TSPAN4: variants seen among roughly 807,000 people sequenced by gnomAD.
TSPAN4 encodes the protein tetraspanin 4, also known as tetraspanin-4.
In TSPAN4, 38 loss-of-function variants were observed where a neutral mutation model predicts 31.5. The observed-to-expected ratio is 1.21, with a 90% CI of 0.93 to 1.58. The LOEUF (loss-of-function observed/expected upper bound fraction) is 1.58, where lower values mean the gene tolerates loss of function less well. TSPAN4 is among the 40% of genes most tolerant of loss of function. TSPAN4 has a pLI of 0.00. For synonymous variants in TSPAN4, 186 were observed against 144.6 expected (o/e 1.29, Z -2.06); for missense variants, 330 against 317.3 (o/e 1.04, Z -0.30).
At chr11:853,483 G>A (rs941701704) in intron 3 of TSPAN4, among the ~76,000 whole-genome samples, 8 of 151,396 alleles carry the variant, frequency 5.3e-5, no homozygotes, top group Non-Finnish European at 1.0e-4. Context: ...GCTGATTGAC[G>A]TATTTCTTTA....
At position 866,596 on chromosome 11, in the gene TSPAN4, G is replaced by A; in HGVS notation, c.683G>A (p.Cys228Tyr). Residue 228 changes from cysteine (C) to tyrosine (Y), a missense_variant, in exon 9 of 9, where the codon TGC becomes TAC. Coordinates refer to ENST00000397397, the MANE Select transcript of TSPAN4 (RefSeq NM_003271.5). ...LGLTFAMTMY[C>Y]QVVKADTYCA is the part of the protein sequence containing the mutation. ...CTGACCTTCGCCATGACCATGTACTGCCAAGTGGTCAAGGCAGACACCTAC... is the reference window on the plus strand; with the variant it reads ...CTGACCTTCGCCATGACCATGTACTACCAAGTGGTCAAGGCAGACACCTAC... 1 of 1,613,420 alleles carries A rather than the reference G, an allele frequency of 6.2e-7. No homozygotes were observed. The highest frequency in any genetic ancestry group is 8.5e-7 in the Non-Finnish European group (1 of 1,179,816).
At chr11:843,036 G>A (rs1847056324) in intron 1 of TSPAN4, 121 bp downstream of exon 1, 1 of 150,692 alleles carries the variant, frequency 6.6e-6, no homozygotes. Flanking sequence ...GAGCCGACAC[G>A]CAGCAACAAG....
chr11:864,439 C>G lies in TSPAN4; in HGVS notation c.258C>G (p.Phe86Leu). Residue 86 changes from phenylalanine to leucine, a missense_variant and splice_region_variant, in exon 5 of 9, where the codon TTC becomes TTG. Phe to Leu is a conservative substitution (Grantham distance 22). Transcript: ENST00000397397. Reference sequence around the variant, plus strand: ...GTCTGAGCCTGCCCCCTCCACAGTTCTTCCTGCTGCTGCTGCTGGTGTTCC... The same window carrying G: ...GTCTGAGCCTGCCCCCTCCACAGTTGTTCCTGCTGCTGCTGCTGGTGTTCC... ...IKENKCLLLT[F>L]FLLLLLVFLL... 6.2e-7 allele frequency: 1 copy of G among 1,612,478 alleles called. No homozygotes were observed. Among genetic ancestry groups the G allele is most frequent in the Non-Finnish European group, 8.5e-7 (1 of 1,179,922 alleles).
rs543498797 is a variant in TSPAN4 at position 863,059 on chromosome 11, G to A, written c.255+318G>A. 23 of 244,346 alleles carry A rather than the reference G, an allele frequency of 9.4e-5. No homozygotes were observed. In the South Asian group the frequency reaches 2.2e-3, roughly 23 times the overall value. The allele number at this position is 244,346 out of a possible 1,614,324, so 15.1% of individuals were successfully genotyped here. A position where few individuals can be genotyped will look rare whatever the true frequency, so the allele number is the denominator to read the frequency against. On this transcript the variant is annotated intron_variant, in intron 4 of 8. Transcript: ENST00000397397. Reference sequence around the variant, plus strand: ...CCCGCACACACGTACACACGCATGCGCAGCCTTTCACGGGCTTGCGGTCTC... The same window carrying A: ...CCCGCACACACGTACACACGCATGCACAGCCTTTCACGGGCTTGCGGTCTC...
At chr11:862,146 C>T (rs765660815) in intron 3 of TSPAN4, among the ~76,000 whole-genome samples, 17 of 152,226 alleles carry the variant, frequency 1.1e-4, no homozygotes, top group Non-Finnish European at 2.4e-4. Flanking sequence ...AGTGGCCTGT[C>T]AGGTGGGGAG....
In TSPAN4 at chr11:848,984, T is replaced by A; in HGVS notation, c.-17-1304T>A. 1 of 642,692 alleles carries A rather than the reference T, an allele frequency of 1.6e-6. No individual in the cohort carries two copies. The highest frequency in any genetic ancestry group is 2.9e-6 in the Non-Finnish European group (1 of 349,716). 39.8% of individuals were successfully genotyped at this position (642,692 alleles called of 1,614,324 possible). A position where few individuals can be genotyped will look rare whatever the true frequency, so the allele number is the denominator to read the frequency against. On this transcript the variant is annotated intron_variant, in intron 2 of 8. Transcript: ENST00000397397. This position sits in a 1 kb window ranked among gnomAD's most constrained non-coding sequence, Gnocchi z 5.7. The stretch of plus-strand genomic sequence containing the variant: ...GGGTGGGGTCTTTTACAGGCTGACT[T>A]CCAGCCTGGGCTGGAGCAAAATGAA...
chr11:843,422 C>T (rs953684181), intron 1 of TSPAN4: 1 of 152,174 alleles, frequency 6.6e-6, no homozygotes, highest in African/African-American at 2.4e-5. Context: ...AGAGGGGACC[C>T]GGGAGGGAGG....
chr11:847,439 G>A (rs1028359923), intron 2 of TSPAN4, 139 bp downstream of exon 2: 2 of 152,122 alleles, frequency 1.3e-5, no homozygotes, highest in African/African-American at 4.8e-5. Context: ...AGCTCCCGTG[G>A]GGAGGGGCTG....
chr11:866,502 C>G (rs891455697), intron 8 of TSPAN4, 60 bp from the exon 9 acceptor site: 3 of 1,555,260 alleles, frequency 1.9e-6, no homozygotes, highest in Non-Finnish European at 2.6e-6. Context: ...AGGGACTGCT[C>G]TGGGCTTGAG....
chr11:855,795 C>T (rs1314000663), intron 3 of TSPAN4, among the ~76,000 whole-genome samples: 1 of 152,220 alleles, frequency 6.6e-6, no homozygotes, highest in African/African-American at 2.4e-5. Context: ...TTCCCGCCAG[C>T]CCAGAGGGTC....
At position 855,302 on chromosome 11, in the gene TSPAN4, G is replaced by C. The variant is rs552862371; in HGVS notation, c.63+4935G>C. On this transcript the variant is annotated intron_variant, in intron 3 of 8. Coordinates refer to ENST00000397397, the MANE Select transcript of TSPAN4 (RefSeq NM_003271.5). ...CCCACGCAGGGGGACGGGAGTGAGC[G>C]TGGGGGACCTGGGCTTCCAGCCGCG... is the stretch of plus-strand genomic sequence containing the variant. Among the ~76,000 whole-genome samples the C allele has an allele frequency of 7.2e-5, 11 of 152,334 alleles. No individual in the cohort carries two copies. In the South Asian group the frequency reaches 1.0e-3, roughly 14 times the overall value.
intron 3 of TSPAN4, chr11:862,224 G>T: frequency 2.8e-6 from 1 of 357,754 alleles, no homozygotes. Flanking sequence ...GCGTCCTGGG[G>T]CCTAAGATCC....
chr11:861,508 C>A (rs989518073), intron 3 of TSPAN4, among the ~76,000 whole-genome samples: 3 of 152,074 alleles, frequency 2.0e-5, no homozygotes, highest in Non-Finnish European at 2.9e-5. Flanking sequence ...GTTGGGAGAT[C>A]AAGACCATCC....
In TSPAN4 at chr11:865,751, C is replaced by G. The variant is rs770708449; in HGVS notation, c.490C>G (p.Arg164Gly). 6.2e-7 allele frequency: 1 copy of G among 1,613,132 alleles called. No homozygotes were observed. The highest frequency in any genetic ancestry group is 2.2e-5 in the East Asian group (1 of 44,832). ...CTGGTTCGAGGTGTACAACGCCACG[C>G]GGGTACCTGACTCCTGCTGCTTGGA... ...TDWFEVYNAT[R>G]VPDSCCLEFS... The change falls in exon 7 of 9, where the codon CGG becomes GGG. Residue 164 changes from arginine to glycine, a missense_variant. By Grantham distance (125) the Arg-to-Gly change is moderately radical. Transcript: ENST00000397397.
chr11:864,396 GC>G (rs1253701795), intron 4 of TSPAN4, 40 bp from the exon 5 acceptor site: 1 of 1,607,734 alleles, frequency 6.2e-7, no homozygotes, highest in Non-Finnish European at 8.5e-7. Context: ...CGGAGGCTGT[GC>G]GGCCTTTCGG....
At chr11:856,553 C>A (rs1286190344) in intron 3 of TSPAN4, among the ~76,000 whole-genome samples, 2 of 152,196 alleles carry the variant, frequency 1.3e-5, no homozygotes, top group East Asian at 3.9e-4. Flanking sequence ...TGTGTCTGGC[C>A]TGCGGCGGGG....
At chr11:859,237 GCTCACACACACCCCCA>G (rs1178179377) in intron 3 of TSPAN4, among the ~76,000 whole-genome samples, 4 of 50,198 alleles carry the variant, frequency 8.0e-5, no homozygotes, top group African/African-American at 1.7e-4. Flanking sequence ...ACTCATCCCC[GCTCACACACACCCCCA>G]CTCACACACA....
intron 1 of TSPAN4, among the ~76,000 whole-genome samples, chr11:845,271 C>T (rs1198409527): frequency 2.0e-5 from 3 of 152,150 alleles, no homozygotes; most frequent in East Asian, 1.9e-4. Context: ...CACACGTGCC[C>T]GACACCTCAG....
Position 850,380 on chromosome 11 carries a change from G to GCCGGGGTGGGGGCCCGGGAAAGAC in TSPAN4, c.63+21_63+44dup. 1 of 1,597,092 alleles carries GCCGGGGTGGGGGCCCGGGAAAGAC rather than the reference G, an allele frequency of 6.3e-7. No homozygotes were observed. The highest frequency in any genetic ancestry group is 8.5e-7 in the Non-Finnish European group (1 of 1,177,142). ...CCTGCTCTTCTGGGTGAGTCCGGGGGCCGGGGTGGGGGCCCGGGAAAGACC... is the reference window on the plus strand; with the variant it reads ...CCTGCTCTTCTGGGTGAGTCCGGGGGCCGGGGTGGGGGCCCGGGAAAGACCCGGGGTGGGGGCCCGGGAAAGACC... On this transcript the variant is annotated intron_variant, in intron 3 of 8. Coordinates refer to ENST00000397397, the MANE Select transcript of TSPAN4 (RefSeq NM_003271.5).
Sources: gnomAD v4.1 joint callset for allele counts (sites outside exome capture counted in the v4.1 genomes callset) on GRCh38, gnomAD v4.1.1 for gene constraint, Gnocchi (gnomAD v3.1) non-coding constraint, MANE v1.5 for transcripts, NCBI Gene and HGNC (gene_info 2026-07-23, HGNC 2026-07-21) for gene names.